The following ERICH6B variants were observed in gnomAD, a reference collection of about 807,000 sequenced individuals.
ERICH6B encodes glutamate rich 6B, also known as glutamate-rich protein 6B.
In ERICH6B, 69 loss-of-function variants were observed where a neutral mutation model predicts 80.0. The ratio of observed to expected loss-of-function variants is 0.86; its 90% CI spans 0.71 to 1.05. The LOEUF (loss-of-function observed/expected upper bound fraction) is 1.05, where lower values mean the gene tolerates loss of function less well. Ranked by LOEUF, ERICH6B falls within the 50% of genes least tolerant of loss-of-function variation. The pLI is 0.00. For synonymous variants in ERICH6B, 283 were observed against 291.9 expected (o/e 0.97, Z 0.31); for missense variants, 754 against 796.1 (o/e 0.95, Z 0.64).
chr13:45,556,218 A>G (rs1482038892), intron 11 of ERICH6B, among the ~76,000 whole-genome samples: 2 of 152,032 alleles, frequency 1.3e-5, no homozygotes, highest in African/African-American at 2.4e-5. Context: ...TATAAGCTCC[A>G]TGGGAGAGAA....
At chr13:45,592,609 A>G (rs1204568146) in intron 3 of ERICH6B, among the ~76,000 whole-genome samples, 1 of 152,224 alleles carries the variant, frequency 6.6e-6, no homozygotes, top group Admixed American at 6.5e-5. Context: ...TTAGGCAAAA[A>G]CATGATGAAT....
At chr13:45,593,160 T>TG (rs1876224282) in intron 3 of ERICH6B, among the ~76,000 whole-genome samples, 1 of 152,180 alleles carries the variant, frequency 6.6e-6, no homozygotes, top group Non-Finnish European at 1.5e-5. Flanking sequence ...CCATAAACTT[T>TG]GGGGGGAATC....
At chr13:45,580,124 T>A in intron 6 of ERICH6B, 150 bp from the exon 7 acceptor site, 1 of 652,606 alleles carries the variant, frequency 1.5e-6, no homozygotes, top group Non-Finnish European at 2.6e-6. Context: ...ATAAAAGCCT[T>A]CCTTGATCTT....
chr13:45,572,339 C>T (rs1476202984), intron 8 of ERICH6B, among the ~76,000 whole-genome samples: 1 of 152,182 alleles, frequency 6.6e-6, no homozygotes, highest in Non-Finnish European at 1.5e-5. Context: ...CTGCCCTCAG[C>T]CTCTCCCCTC....
chr13:45,568,398 A>G lies in ERICH6B; in HGVS notation c.1104T>C (p.Ala368=). The change falls in exon 9 of 15, where the codon GCT becomes GCC. Residue 368 remains alanine (A), a synonymous_variant. Coordinates refer to ENST00000298738, the MANE Select transcript of ERICH6B (RefSeq NM_182542.3). ...AATCCTCTTCCAGTTCATTGTGAGC[A>G]GCCATTTCTTTGATTATTGTTTTAA... ...TVFKTIIKEM[A]AHNELEEDFD... 1 of 1,550,038 alleles carries G rather than the reference A, an allele frequency of 6.5e-7. No individual in the cohort carries two copies.
chr13:45,552,916 G>A (rs1874278754), intron 11 of ERICH6B: 2 of 196,206 alleles, frequency 1.0e-5, no homozygotes, highest in East Asian at 1.6e-4. Context: ...GTCCTGTCTG[G>A]CTGCTGAATG....
intron 5 of ERICH6B, among the ~76,000 whole-genome samples, chr13:45,585,253 C>T (rs1191990408): frequency 6.6e-6 from 1 of 152,218 alleles, no homozygotes; most frequent in Non-Finnish European, 1.5e-5. Flanking sequence ...CCCTAGAAGG[C>T]TGCCATTGGG....
rs936424089 is a variant in ERICH6B, at chr13:45,579,849, G to A, written c.961+84C>T. On this transcript the variant is annotated intron_variant, in intron 7 of 14. Coordinates refer to ENST00000298738, the MANE Select transcript of ERICH6B (RefSeq NM_182542.3). Reference sequence around the variant, plus strand: ...CCTGGGTCATGCTGGATCAGAGAGGGAGCCACCTGCTAGGGGCACCTTCCC... The same window carrying A: ...CCTGGGTCATGCTGGATCAGAGAGGAAGCCACCTGCTAGGGGCACCTTCCC... 7 of 1,362,602 alleles carry A rather than the reference G, an allele frequency of 5.1e-6. No homozygotes were observed. In the African/African-American group the frequency reaches 1.0e-4, roughly 20 times the overall value. The allele number at this position is 1,362,602 out of a possible 1,614,324, so 84.4% of individuals were successfully genotyped here.
chr13:45,550,110 A>G, intron 12 of ERICH6B, 65 bp from the exon 13 acceptor site: 1 of 1,542,062 alleles, frequency 6.5e-7, no homozygotes, highest in Non-Finnish European at 8.8e-7. Flanking sequence ...AGGGCCCTGC[A>G]GATGATGCAG....
intron 4 of ERICH6B, among the ~76,000 whole-genome samples, chr13:45,590,393 C>T (rs1876108783): frequency 6.6e-6 from 1 of 152,046 alleles, no homozygotes; most frequent in African/African-American, 2.4e-5. Flanking sequence ...ACCTTCTCTC[C>T]AAACTCAGAC....
At chr13:45,559,489 A>T (rs1186388968) in intron 11 of ERICH6B, among the ~76,000 whole-genome samples, 1 of 151,508 alleles carries the variant, frequency 6.6e-6, no homozygotes, top group Non-Finnish European at 1.5e-5. Flanking sequence ...GTGACCTTAG[A>T]TTGTCTATTT....
chr13:45,574,374 C>T (rs1025181685), intron 8 of ERICH6B, among the ~76,000 whole-genome samples: 4 of 152,180 alleles, frequency 2.6e-5, no homozygotes, highest in Non-Finnish European at 4.4e-5. Context: ...GACAAGAAAA[C>T]ATCCAGTGGA....
chr13:45,568,237 C>T, intron 9 of ERICH6B, 78 bp downstream of exon 9: 1 of 1,404,526 alleles, frequency 7.1e-7, no homozygotes, highest in Admixed American at 3.1e-5. Context: ...GTTGATGGCT[C>T]AGTTTACACT....
chr13:45,606,995 C>CTAGTTGTG (rs1949871033), intron 2 of ERICH6B, among the ~76,000 whole-genome samples: 1 of 152,002 alleles, frequency 6.6e-6, no homozygotes, highest in Non-Finnish European at 1.5e-5. Flanking sequence ...ATCCTTGCGG[C>CTAGTTGTG]CAGTTGTGCT....
chr13:45,573,086 A>G (rs1875242794), intron 8 of ERICH6B, among the ~76,000 whole-genome samples: 1 of 152,162 alleles, frequency 6.6e-6, no homozygotes, highest in Admixed American at 6.5e-5. Flanking sequence ...ATCAACTGCT[A>G]GAAATTTATT....
intron 1 of ERICH6B, among the ~76,000 whole-genome samples, chr13:45,609,246 C>A (rs569061797): frequency 2.6e-5 from 4 of 152,198 alleles, no homozygotes; most frequent in South Asian, 2.1e-4. Flanking sequence ...CCCAAGTTGG[C>A]CCCACATCCT....
chr13:45,587,202 G>A lies in ERICH6B; in HGVS notation c.717C>T (p.Thr239=), dbSNP rs1566299899. The change falls in exon 5 of 15, where the codon ACC becomes ACT. Residue 239 remains threonine (T), a synonymous_variant. Transcript: ENST00000298738. Reference sequence around the variant, plus strand: ...AAGTCAACGGGACAGTCAAGAAGGTGGTCACCTGAGAGGGGCCAGCGTCTG... The same window carrying A: ...AAGTCAACGGGACAGTCAAGAAGGTAGTCACCTGAGAGGGGCCAGCGTCTG... ...RSPDAGPSQV[T]TFLTVPLTFA... is the part of the protein sequence containing the mutation. 1 of 1,551,538 alleles carries A rather than the reference G, an allele frequency of 6.4e-7. No individual in the cohort carries two copies. The highest frequency in any genetic ancestry group is 1.2e-5 in the South Asian group (1 of 84,050).
rs1220172727 is a variant in ERICH6B, at chr13:45,586,307, G to A, written c.856+756C>T. On this transcript the variant is annotated intron_variant, in intron 5 of 14. Transcript: ENST00000298738. ...CAGCCACGGATAGGGGCAGGGAAGG[G>A]AGGTGACGGGGGAATCTAATTTACT... 1.1e-4 allele frequency among the ~76,000 whole-genome samples: 17 copies of A among 152,156 alleles called. 1 individual carries two copies. The highest frequency in any genetic ancestry group is 1.1e-3 in the Admixed American group (17 of 15,290).
chr13:45,575,379 A>G (rs1023754379), intron 7 of ERICH6B, among the ~76,000 whole-genome samples: 3 of 152,206 alleles, frequency 2.0e-5, no homozygotes, highest in Admixed American at 1.3e-4. Flanking sequence ...GTATGCTCAC[A>G]GTAGAGCAGA....
Sources: allele counts gnomAD v4.1 joint callset (sites outside exome capture counted in the v4.1 genomes callset), GRCh38; gene constraint gnomAD v4.1.1; transcripts MANE v1.5; gene names NCBI Gene and HGNC (gene_info 2026-07-23, HGNC 2026-07-21).